Variants in NXPH1 observed in about 807,000 individuals in gnomAD.
NXPH1 encodes neurexophilin-1.
Under a neutral mutation model 23.7 loss-of-function variants are expected in NXPH1, and 5 were observed. The ratio of observed to expected loss-of-function variants is 0.21; its 90% CI spans 0.11 to 0.44. The LOEUF (loss-of-function observed/expected upper bound fraction) is 0.44. Ranked by LOEUF, NXPH1 falls within the 20% of genes least tolerant of loss-of-function variation. The probability of loss-of-function intolerance (pLI) is 0.99; values close to 1 mark genes in which losing one functional copy is unlikely to be tolerated. For missense variants in NXPH1, 324 were observed against 321.6 expected (o/e 1.01, Z -0.06); for synonymous variants, 144 against 122.2 (o/e 1.18, Z -1.18).
At chr7:8,709,262 C>T (rs541015655) in intron 2 of NXPH1, among the ~76,000 whole-genome samples, 1 of 152,076 alleles carries the variant, frequency 6.6e-6, no homozygotes, top group African/African-American at 2.4e-5. Flanking sequence ...AAGTACTTTT[C>T]TTACCCTTTT....
intron 2 of NXPH1, among the ~76,000 whole-genome samples, chr7:8,450,024 CCCTGGGTCT>C (rs1816477695): frequency 6.6e-6 from 1 of 152,140 alleles, no homozygotes; most frequent in South Asian, 2.1e-4. Flanking sequence ...GAAAAATGAT[CCCTGGGTCT>C]CAGGGTAAGG....
At chr7:8,469,446 A>G (rs1053619190) in intron 2 of NXPH1, among the ~76,000 whole-genome samples, 2 of 152,114 alleles carry the variant, frequency 1.3e-5, no homozygotes, top group African/African-American at 4.8e-5. Context: ...AGTATAATCA[A>G]CTAGGATCTA....
chr7:8,731,128 C>A (rs1046733272), intron 2 of NXPH1, among the ~76,000 whole-genome samples: 1 of 151,916 alleles, frequency 6.6e-6, no homozygotes, highest in Non-Finnish European at 1.5e-5. Context: ...TCCAGTTGAT[C>A]GCATCGGCTC....
At chr7:8,471,797 TC>T (rs1456200218) in intron 2 of NXPH1, among the ~76,000 whole-genome samples, 2 of 152,176 alleles carry the variant, frequency 1.3e-5, no homozygotes, top group African/African-American at 4.8e-5. Flanking sequence ...TCACTGATGT[TC>T]CTTTGTTCAA....
At chr7:8,726,882 C>A (rs1583248361) in intron 2 of NXPH1, among the ~76,000 whole-genome samples, 1 of 152,044 alleles carries the variant, frequency 6.6e-6, no homozygotes, top group Admixed American at 6.5e-5. Context: ...AATGGCGTTT[C>A]TAGTTCTAGA....
At chr7:8,494,558 C>A (rs1016543144) in intron 2 of NXPH1, among the ~76,000 whole-genome samples, 2 of 151,592 alleles carry the variant, frequency 1.3e-5, no homozygotes, top group African/African-American at 4.8e-5. Context: ...GTAACAGTTT[C>A]AGAAAATTGT....
chr7:8,466,282 T>C (rs1415368502), intron 2 of NXPH1, among the ~76,000 whole-genome samples: 3 of 152,190 alleles, frequency 2.0e-5, no homozygotes, highest in African/African-American at 7.2e-5. Flanking sequence ...ATGGAGTTGA[T>C]ATATTAAATA....
At chr7:8,679,700 C>G (rs1408157768) in intron 2 of NXPH1, among the ~76,000 whole-genome samples, 1 of 152,130 alleles carries the variant, frequency 6.6e-6, no homozygotes, top group Non-Finnish European at 1.5e-5. Flanking sequence ...CTTAATCACC[C>G]AAGTCTATTT....
chr7:8,714,049 G>C (rs1779839267), intron 2 of NXPH1, among the ~76,000 whole-genome samples: 1 of 152,206 alleles, frequency 6.6e-6, no homozygotes, highest in Admixed American at 6.5e-5. Flanking sequence ...CCCTGGGTGG[G>C]TTCAGAAATG....
intron 2 of NXPH1, among the ~76,000 whole-genome samples, chr7:8,584,813 T>A (rs1818950137): frequency 6.6e-6 from 1 of 152,222 alleles, no homozygotes; most frequent in Non-Finnish European, 1.5e-5. Context: ...CATTTCAAAT[T>A]ATTACCTATC....
chr7:8,608,613 T>C (rs1035995382), intron 2 of NXPH1, among the ~76,000 whole-genome samples: 13 of 152,194 alleles, frequency 8.5e-5, no homozygotes, highest in African/African-American at 2.9e-4. Flanking sequence ...CCTTTCTGTA[T>C]TTTTTTAAAA....
intron 2 of NXPH1, among the ~76,000 whole-genome samples, chr7:8,535,356 T>G (rs934438705): frequency 6.6e-6 from 1 of 152,104 alleles, no homozygotes; most frequent in Non-Finnish European, 1.5e-5. Flanking sequence ...TTGAAAAGAT[T>G]TGTTAAAAGA....
intron 2 of NXPH1, among the ~76,000 whole-genome samples, chr7:8,630,011 G>C (rs1246344505): frequency 6.6e-6 from 1 of 152,074 alleles, no homozygotes; most frequent in East Asian, 1.9e-4. Flanking sequence ...AAGATGGGTG[G>C]ATTGGTGAAC....
intron 2 of NXPH1, among the ~76,000 whole-genome samples, chr7:8,552,302 AG>A (rs553935268): frequency 7.9e-5 from 12 of 151,462 alleles, no homozygotes; most frequent in African/African-American, 2.9e-4. Context: ...AAAATTATAG[AG>A]GCCTGATGGG....
At chr7:8,488,139 T>C (rs909182476) in intron 2 of NXPH1, among the ~76,000 whole-genome samples, 9 of 152,142 alleles carry the variant, frequency 5.9e-5, no homozygotes, top group African/African-American at 1.4e-4. Context: ...ATCTAACTTA[T>C]AGATCTCATG....
At chr7:8,670,546 C>G (rs2115169268) in intron 2 of NXPH1, among the ~76,000 whole-genome samples, 1 of 151,698 alleles carries the variant, frequency 6.6e-6, no homozygotes, top group Non-Finnish European at 1.5e-5. Flanking sequence ...ATGTCCAAGT[C>G]CTTTTGTCCC....
intron 2 of NXPH1, among the ~76,000 whole-genome samples, chr7:8,443,802 C>T (rs914513968): frequency 3.9e-5 from 6 of 152,176 alleles, no homozygotes; most frequent in Non-Finnish European, 8.8e-5. Context: ...ATCATTAGAC[C>T]CGGGATGGAG....
intron 2 of NXPH1, among the ~76,000 whole-genome samples, chr7:8,482,641 A>G (rs1817093634): frequency 6.6e-6 from 1 of 152,156 alleles, no homozygotes; most frequent in African/African-American, 2.4e-5. Context: ...TCCCTCCTGT[A>G]CAAAAGGCCA....
rs1283249158 is a variant in NXPH1, at chr7:8,655,516, GCA to G, written c.55-95487_55-95486del. 1.1e-3 allele frequency among the ~76,000 whole-genome samples: 152 copies of G among 135,432 alleles called. 1 individual carries two copies. The highest frequency in any genetic ancestry group is 4.0e-3 in the African/African-American group (146 of 36,058). The allele number at this position is 135,432 out of a possible 152,430, so 88.8% of individuals were successfully genotyped here. A position where few individuals can be genotyped will look rare whatever the true frequency, so the allele number is the denominator to read the frequency against. On this transcript the variant is annotated intron_variant, in intron 2 of 2. Transcript: ENST00000405863. ...GTCCATCACACGCACACACACACACGCACACATGCTTTCATGGTAGTTTTGCC... is the reference window on the plus strand; with the variant it reads ...GTCCATCACACGCACACACACACACGCACATGCTTTCATGGTAGTTTTGCC...
Sources: allele counts gnomAD v4.1 joint callset (sites outside exome capture counted in the v4.1 genomes callset), GRCh38; gene constraint gnomAD v4.1.1; transcripts MANE v1.5; gene names NCBI Gene and HGNC (gene_info 2026-07-23, HGNC 2026-07-21).